The following TC2N variants were observed in gnomAD, a reference collection of about 807,000 sequenced individuals.
The protein encoded by TC2N is tandem C2 domains, nuclear.
TC2N carries 51 observed loss-of-function variants against 61.9 expected under a neutral mutation model. The ratio of observed to expected loss-of-function variants is 0.82; its 90% confidence interval spans 0.66 to 1.04. TC2N has a LOEUF of 1.04. Ranked by LOEUF, TC2N falls within the 50% of genes least tolerant of loss-of-function variation. The pLI, the probability that TC2N is intolerant of heterozygous loss-of-function variation, is 0.00. For synonymous variants in TC2N, 204 were observed against 192.6 expected, an observed-to-expected ratio of 1.06 and a Z score of -0.49; for missense variants, 556 against 566.7, an observed-to-expected ratio of 0.98 and a Z score of 0.19.
chr14:91,791,335 C>G (rs1885647046), intron 9 of TC2N, among the ~76,000 whole-genome samples: 1 of 151,896 alleles, frequency 6.6e-6, no homozygotes, highest in African/African-American at 2.4e-5. Flanking sequence ...CTAATGTATA[C>G]CCAGAGTTAA....
intron 1 of TC2N, among the ~76,000 whole-genome samples, chr14:91,846,126 C>T (rs1466334185): frequency 6.6e-6 from 1 of 151,978 alleles, no homozygotes; most frequent in Non-Finnish European, 1.5e-5. Context: ...GATAGACGCT[C>T]AGCTTTTTCT....
At chr14:91,848,393 T>A (rs1201695590) in intron 1 of TC2N, among the ~76,000 whole-genome samples, 2 of 152,210 alleles carry the variant, frequency 1.3e-5, no homozygotes, top group Non-Finnish European at 2.9e-5. Context: ...ACAGATTGTC[T>A]ACTTTCAAGA....
At chr14:91,830,846 T>C (rs185052984) in intron 1 of TC2N, among the ~76,000 whole-genome samples, 12 of 152,266 alleles carry the variant, frequency 7.9e-5, no homozygotes, top group African/African-American at 2.9e-4. Context: ...TCCTTTCTTG[T>C]TTTACCTGGC....
chr14:91,816,475 T>C (rs1036472408), intron 1 of TC2N, among the ~76,000 whole-genome samples: 1 of 151,854 alleles, frequency 6.6e-6, no homozygotes, highest in African/African-American at 2.4e-5. Flanking sequence ...TGTTGGTCTT[T>C]TTCTTCTCCA....
At chr14:91,861,824 C>G (rs895928436) in intron 1 of TC2N, among the ~76,000 whole-genome samples, 6 of 152,126 alleles carry the variant, frequency 3.9e-5, no homozygotes, top group African/African-American at 1.4e-4. Context: ...AGAAGGATCG[C>G]TTGAGCCTGG....
intron 1 of TC2N, among the ~76,000 whole-genome samples, chr14:91,842,228 G>T (rs1320542302): frequency 6.6e-6 from 1 of 151,982 alleles, no homozygotes; most frequent in African/African-American, 2.4e-5. Flanking sequence ...CAAGCCATCT[G>T]CCCACCTCGG....
At chr14:91,851,785 C>T (rs1338282215) in intron 1 of TC2N, among the ~76,000 whole-genome samples, 1 of 152,160 alleles carries the variant, frequency 6.6e-6, no homozygotes, top group African/African-American at 2.4e-5. Flanking sequence ...CTGTATTATG[C>T]CACCAATGTT....
rs568457903 is a variant in TC2N, at chr14:91,831,757, T to C, written c.-56-17932A>G. ...CAAATATGAAAGGCAACTTTTTAAA[T>C]AGATTTTCTTTTTTAGAGTAGTTTT... On this transcript the variant is annotated intron_variant, in intron 1 of 11. Transcript: ENST00000435962. Among the ~76,000 whole-genome samples, 4 of 152,330 alleles carry C rather than the reference T, an allele frequency of 2.6e-5. No individual in the cohort carries two copies. In the South Asian group the frequency reaches 6.2e-4, roughly 24 times the overall value.
At chr14:91,842,277 G>A (rs1028083035) in intron 1 of TC2N, among the ~76,000 whole-genome samples, 6 of 151,710 alleles carry the variant, frequency 4.0e-5, no homozygotes, top group African/African-American at 1.5e-4. Flanking sequence ...GAGCCTCCAC[G>A]CCTGACCTCC....
chr14:91,833,775 C>G (rs1302321465), intron 1 of TC2N, among the ~76,000 whole-genome samples: 1 of 152,160 alleles, frequency 6.6e-6, no homozygotes, highest in East Asian at 1.9e-4. Context: ...ATGACTACAC[C>G]AATTTACACT....
At chr14:91,801,509 TAGTC>T (rs1886248465) in intron 4 of TC2N, among the ~76,000 whole-genome samples, 1 of 151,968 alleles carries the variant, frequency 6.6e-6, no homozygotes, top group South Asian at 2.1e-4. Flanking sequence ...TCAAAAAAAT[TAGTC>T]AGGTGTGGTG....
At chr14:91,791,132 A>C (rs1024364037) in intron 9 of TC2N, among the ~76,000 whole-genome samples, 1 of 136,244 alleles carries the variant, frequency 7.3e-6, no homozygotes, top group Non-Finnish European at 1.6e-5. Context: ...TGTCTTCCTC[A>C]AAAAAAAGGG....
chr14:91,848,982 G>A (rs999756306), intron 1 of TC2N, among the ~76,000 whole-genome samples: 1 of 152,110 alleles, frequency 6.6e-6, no homozygotes, highest in Non-Finnish European at 1.5e-5. Flanking sequence ...GTTTTACTAC[G>A]TGGCTTTTTC....
chr14:91,828,461 A>G (rs1887598559), intron 1 of TC2N, among the ~76,000 whole-genome samples: 1 of 148,750 alleles, frequency 6.7e-6, no homozygotes, highest in Non-Finnish European at 1.5e-5. Context: ...CTTTACATTT[A>G]TGTTTATATT....
chr14:91,802,495 G>GT (rs1566768308), intron 3 of TC2N, 74 bp from the exon 4 acceptor site: 1 of 1,379,272 alleles, frequency 7.3e-7, no homozygotes, highest in Non-Finnish European at 1.0e-6. Context: ...GTACACCCAG[G>GT]GTAAAAGAAA....
chr14:91,805,102 C>T (rs1405466789), intron 3 of TC2N, among the ~76,000 whole-genome samples: 1 of 151,860 alleles, frequency 6.6e-6, no homozygotes. Flanking sequence ...AACTATGGAC[C>T]ACATATACGA....
chr14:91,789,372 G>A lies in TC2N; in HGVS notation c.1048-1745C>T, dbSNP rs868819800. 7.9e-5 allele frequency among the ~76,000 whole-genome samples: 12 copies of A among 151,724 alleles called. 1 individual carries two copies. In the Middle Eastern group the frequency reaches 0.01, roughly 130 times the overall value. ...AGCACTTTGGGAGGCCGAGGCAGGC[G>A]GATCACGAGGTCAGATCGAGACCAC... On this transcript the variant is annotated intron_variant, in intron 9 of 11. Coordinates refer to ENST00000435962, the MANE Select transcript of TC2N (RefSeq NM_001128596.3).
intron 1 of TC2N, among the ~76,000 whole-genome samples, chr14:91,817,227 A>G (rs1887045094): frequency 6.6e-6 from 1 of 151,924 alleles, no homozygotes; most frequent in South Asian, 2.1e-4. Flanking sequence ...AAGATTTCTC[A>G]TTAAGTGTAT....
intron 3 of TC2N, among the ~76,000 whole-genome samples, chr14:91,805,906 A>G (rs929151499): frequency 2.0e-5 from 3 of 152,148 alleles, no homozygotes; most frequent in African/African-American, 7.2e-5. Flanking sequence ...CAGGTGTGAT[A>G]TGGCTTGGCT....
Sources: allele counts gnomAD v4.1 joint callset (sites outside exome capture counted in the v4.1 genomes callset), GRCh38; gene constraint gnomAD v4.1.1; transcripts MANE v1.5; gene names NCBI Gene and HGNC (gene_info 2026-07-23, HGNC 2026-07-21).